PDZD2: variants seen among roughly 807,000 people sequenced by gnomAD.
PDZD2 encodes PDZ domain-containing protein 2.
In PDZD2, 90 loss-of-function variants were observed where a neutral mutation model predicts 220.7. The ratio of observed to expected loss-of-function variants is 0.41; its 90% confidence interval spans 0.34 to 0.49. The LOEUF is 0.49. PDZD2 is among the 20% of genes least tolerant of loss of function. The pLI is 0.28. For missense variants in PDZD2, 3,174 were observed against 3,608.5 expected, an observed-to-expected ratio of 0.88 and a Z score of 3.08; for synonymous variants, 1,375 against 1,450.5, an observed-to-expected ratio of 0.95 and a Z score of 1.18.
intron 9 of PDZD2, 91 bp from the exon 10 acceptor site, chr5:32,053,678 C>A (rs1738805030): frequency 1.3e-6 from 1 of 781,492 alleles, no homozygotes. Flanking sequence ...TACAATGGGA[C>A]AGATGCCTTC....
chr5:31,950,142 T>C (rs1032656148), intron 2 of PDZD2, among the ~76,000 whole-genome samples: 2 of 152,206 alleles, frequency 1.3e-5, no homozygotes, highest in African/African-American at 4.8e-5. Context: ...TGAACTTAAG[T>C]TGACCATCTA....
In PDZD2 at chr5:31,786,164, A is replaced by G. The variant is rs143685055; in HGVS notation, c.-360-12725A>G. Among the ~76,000 whole-genome samples, 188 of 152,164 alleles carry G rather than the reference A, an allele frequency of 1.2e-3. 1 individual carries two copies. The highest frequency in any genetic ancestry group is 4.3e-3 in the African/African-American group (180 of 41,502). On this transcript the variant is annotated intron_variant, in intron 1 of 24. Transcript: ENST00000438447. ...AGCTTCTCAGTTGACATAAGGTTGA[A>G]CCTTTGTGCTCCGTGATCTTTTGGT...
At chr5:31,923,218 G>A (rs746653537) in intron 2 of PDZD2, 7 of 432,432 alleles carry the variant, frequency 1.6e-5, no homozygotes, top group East Asian at 5.0e-5. Context: ...AGCTGAGATC[G>A]TGCCATTGCA....
At chr5:31,733,290 G>A (rs13164664) in intron 1 of PDZD2, among the ~76,000 whole-genome samples, 26,973 of 152,138 alleles carry the variant, frequency 0.18, 2,583 homozygotes, top group South Asian at 0.21. Context: ...ATTTCAAACC[G>A]TATTTAGCAT....
intron 2 of PDZD2, chr5:31,847,276 G>A (rs1366227546): frequency 1.0e-5 from 3 of 298,390 alleles, no homozygotes; most frequent in Non-Finnish European, 2.0e-5. Flanking sequence ...GTAGGGTGGG[G>A]TTTGTTAAAG....
chr5:32,064,132 A>G (rs1739965342), intron 14 of PDZD2, among the ~76,000 whole-genome samples: 1 of 152,062 alleles, frequency 6.6e-6, no homozygotes, highest in Admixed American at 6.5e-5. Flanking sequence ...GTTGCCTTTA[A>G]CTTTTTGAAG....
rs1752473505 is a variant in PDZD2 at position 31,773,746 on chromosome 5, G to A, written c.-360-25143G>A. Reference sequence around the variant, plus strand: ...TAGTGGAAAAAAAGCCTGAAATTCAGTATTAATACCTGGATTATTGTCCCA... The same window carrying A: ...TAGTGGAAAAAAAGCCTGAAATTCAATATTAATACCTGGATTATTGTCCCA... On this transcript the variant is annotated intron_variant, in intron 1 of 24. Transcript: ENST00000438447. Among the ~76,000 whole-genome samples, 3 of 152,292 alleles carry A rather than the reference G, an allele frequency of 2.0e-5. No homozygotes were observed. In the South Asian group the frequency reaches 6.2e-4, roughly 32 times the overall value.
intron 2 of PDZD2, among the ~76,000 whole-genome samples, chr5:31,818,292 T>C (rs1364566236): frequency 1.3e-5 from 2 of 152,272 alleles, no homozygotes; most frequent in East Asian, 3.9e-4. Context: ...CGTTTTTTAC[T>C]GACAGGCATG....
Position 31,799,316 on chromosome 5 carries a change from T to A in PDZD2, c.68T>A (p.Leu23Gln). ...CTCTACCAGTGGCTGCAGAACAGCC[T>A]GCAGGAAGGTGGGGATGGGCCGGAG... ...PLLYQWLQNSLQEGGDGPEQR... is the reference protein window; with the variant it reads ...PLLYQWLQNSQQEGGDGPEQR... The change falls in exon 2 of 25, where the codon CTG (leucine) becomes CAG (glutamine). Residue 23 changes from leucine (L) to glutamine (Q), a missense_variant. Transcript: ENST00000438447. 6.2e-7 allele frequency: 1 copy of A among 1,614,116 alleles called. No homozygotes were observed. Among genetic ancestry groups the A allele is most frequent in the Non-Finnish European group, 8.5e-7 (1 of 1,179,966 alleles).
intron 1 of PDZD2, among the ~76,000 whole-genome samples, chr5:31,768,640 CAA>C (rs35950291): frequency 0.3 from 37,956 of 125,836 alleles, 5,036 homozygotes; most frequent in Middle Eastern, 0.32. Context: ...GACTCTGTCT[CAA>C]AAAAAAAAAA....
intron 2 of PDZD2, among the ~76,000 whole-genome samples, chr5:31,928,802 A>C (rs1334342419): frequency 3.3e-5 from 5 of 152,152 alleles, no homozygotes; most frequent in Non-Finnish European, 7.4e-5. Context: ...GAAAATTCAG[A>C]AGCACAGGAA....
intron 1 of PDZD2, among the ~76,000 whole-genome samples, chr5:31,701,939 G>A (rs140706017): frequency 4.6e-5 from 7 of 152,168 alleles, no homozygotes; most frequent in Admixed American, 3.9e-4. Context: ...CTCCACCTCA[G>A]ACATCAGGAT....
intron 2 of PDZD2, among the ~76,000 whole-genome samples, chr5:31,944,587 G>T (rs1367884265): frequency 1.3e-5 from 2 of 152,214 alleles, no homozygotes; most frequent in South Asian, 2.1e-4. Context: ...GAGGAAATGT[G>T]GGAAAATCCC....
intron 2 of PDZD2, among the ~76,000 whole-genome samples, chr5:31,880,544 CAG>C (rs2150335444): frequency 6.6e-6 from 1 of 152,236 alleles, no homozygotes; most frequent in African/African-American, 2.4e-5. Context: ...TCCTCATTTG[CAG>C]AGATCAAAAT....
intron 8 of PDZD2, 94 bp from the exon 9 acceptor site, chr5:32,052,517 C>T (rs771768810): frequency 7.7e-6 from 9 of 1,174,388 alleles, no homozygotes; most frequent in African/African-American, 3.0e-5. Flanking sequence ...CTGAAGACAT[C>T]TAAGATTTTC....
At chr5:31,822,231 G>T (rs1349652589) in intron 2 of PDZD2, among the ~76,000 whole-genome samples, 2 of 145,446 alleles carry the variant, frequency 1.4e-5, no homozygotes, top group Non-Finnish European at 3.0e-5. Flanking sequence ...GATTTATTAT[G>T]ATTTATATGT....
At chr5:31,737,801 T>C (rs10061986) in intron 1 of PDZD2, among the ~76,000 whole-genome samples, 47,570 of 151,914 alleles carry the variant, frequency 0.31, 7,985 homozygotes, top group African/African-American at 0.44. Context: ...GTATCATGAC[T>C]ACTTAGAATG....
At chr5:32,062,123 T>C (rs1333803646) in intron 14 of PDZD2, among the ~76,000 whole-genome samples, 1 of 152,210 alleles carries the variant, frequency 6.6e-6, no homozygotes, top group African/African-American at 2.4e-5. Flanking sequence ...TCCTTCTTAA[T>C]GTTCATTTAA....
intron 2 of PDZD2, among the ~76,000 whole-genome samples, chr5:31,849,711 G>A (rs1178203614): frequency 6.6e-6 from 1 of 151,290 alleles, no homozygotes; most frequent in Non-Finnish European, 1.5e-5. Context: ...AGGTGTGGTG[G>A]CGTGCGCCTG....
Sources: gnomAD v4.1 joint callset for allele counts (sites outside exome capture counted in the v4.1 genomes callset) on GRCh38, gnomAD v4.1.1 for gene constraint, MANE v1.5 for transcripts, NCBI Gene and HGNC (gene_info 2026-07-23, HGNC 2026-07-21) for gene names.